Variants in LUZP2 observed in about 807,000 individuals in gnomAD.
LUZP2 encodes the protein leucine zipper protein 2.
In LUZP2, 52 loss-of-function variants were observed where a neutral mutation model predicts 51.6. The ratio of observed to expected loss-of-function variants is 1.01; its 90% CI spans 0.81 to 1.27. The LOEUF (loss-of-function observed/expected upper bound fraction) is 1.27, where lower values mean the gene tolerates loss of function less well. LUZP2 is among the 50% of genes most tolerant of loss of function. The pLI is 0.00. For missense variants in LUZP2, 436 were observed against 395.4 expected (o/e 1.10, Z -0.87); for synonymous variants, 154 against 137.3 (o/e 1.12, Z -0.85).
intron 5 of LUZP2, among the ~76,000 whole-genome samples, chr11:24,884,683 GT>G (rs1852612345): frequency 6.6e-6 from 1 of 151,964 alleles, no homozygotes; most frequent in African/African-American, 2.4e-5. Context: ...ACTAGAACTA[GT>G]ACAAACTTTT....
intron 4 of LUZP2, among the ~76,000 whole-genome samples, chr11:24,749,165 A>G (rs1268238238): frequency 6.6e-6 from 1 of 152,210 alleles, no homozygotes; most frequent in African/African-American, 2.4e-5. Flanking sequence ...ATTTCCAAGT[A>G]ACCAACTTCA....
At chr11:24,714,933 AGAG>A (rs1565094539) in intron 1 of LUZP2, among the ~76,000 whole-genome samples, 1 of 152,154 alleles carries the variant, frequency 6.6e-6, no homozygotes, top group East Asian at 1.9e-4. Context: ...AAGAGCCTAG[AGAG>A]TCTACAGACC....
At chr11:24,561,809 C>T (rs1442030258) in intron 1 of LUZP2, among the ~76,000 whole-genome samples, 2 of 85,232 alleles carry the variant, frequency 2.3e-5, no homozygotes, top group African/African-American at 1.2e-4. Context: ...CACCCCAGAA[C>T]TTAAAGTATA....
intron 7 of LUZP2, among the ~76,000 whole-genome samples, chr11:24,960,190 A>C (rs905688078): frequency 3.3e-5 from 5 of 152,148 alleles, no homozygotes; most frequent in African/African-American, 1.2e-4. Flanking sequence ...ATGTTCATCA[A>C]GGATATTGTT....
chr11:24,814,991 C>CAA (rs61229028), intron 5 of LUZP2, among the ~76,000 whole-genome samples: 3 of 80,074 alleles, frequency 3.7e-5, no homozygotes, highest in African/African-American at 5.6e-5. Context: ...GACTCCGTCT[C>CAA]AAAAAAAAAA....
At chr11:24,980,486 T>A (rs1855997164) in intron 8 of LUZP2, among the ~76,000 whole-genome samples, 1 of 151,732 alleles carries the variant, frequency 6.6e-6, no homozygotes, top group Non-Finnish European at 1.5e-5. Context: ...TTTTCTCTTG[T>A]AACAAAACAC....
chr11:24,728,967 G>T lies in LUZP2; in HGVS notation c.63-202G>T, dbSNP rs190261620. On this transcript the variant is annotated intron_variant, in intron 1 of 11. Coordinates refer to ENST00000336930, the MANE Select transcript of LUZP2 (RefSeq NM_001009909.4). Reference sequence around the variant, plus strand: ...GTCATAGATATCTGGAGTATAGCTAGCCCTCACTGGGAAATGAAACTTTTG... The same window carrying T: ...GTCATAGATATCTGGAGTATAGCTATCCCTCACTGGGAAATGAAACTTTTG... 5.3e-5 allele frequency among the ~76,000 whole-genome samples: 8 copies of T among 152,100 alleles called. No homozygotes were observed. The East Asian group carries it at 1.4e-3, about 26-fold the overall frequency.
At chr11:24,924,235 G>C (rs1439316150) in intron 7 of LUZP2, among the ~76,000 whole-genome samples, 2 of 151,824 alleles carry the variant, frequency 1.3e-5, no homozygotes, top group African/African-American at 2.4e-5. Context: ...GTGCCACCAC[G>C]CCCAGCTAAT....
chr11:24,587,587 G>A (rs1310534605), intron 1 of LUZP2, among the ~76,000 whole-genome samples: 1 of 152,080 alleles, frequency 6.6e-6, no homozygotes, highest in Non-Finnish European at 1.5e-5. Flanking sequence ...GAAGCTAGCT[G>A]TGAAATACAA....
At chr11:24,555,755 G>A (rs765670690) in intron 1 of LUZP2, among the ~76,000 whole-genome samples, 1 of 152,106 alleles carries the variant, frequency 6.6e-6, no homozygotes, top group Admixed American at 6.6e-5. Context: ...TGGGAGGATC[G>A]CTTGAGTACA....
intron 3 of LUZP2, among the ~76,000 whole-genome samples, chr11:24,737,163 C>A (rs1337925899): frequency 1.3e-5 from 2 of 151,998 alleles, no homozygotes; most frequent in Non-Finnish European, 2.9e-5. Flanking sequence ...TTAAGGAATT[C>A]TTTCATAGGC....
chr11:24,809,803 A>G (rs1849965364), intron 5 of LUZP2, among the ~76,000 whole-genome samples: 1 of 152,048 alleles, frequency 6.6e-6, no homozygotes, highest in Non-Finnish European at 1.5e-5. Context: ...AAGTGGTTAG[A>G]TTTGCTTAGG....
chr11:24,962,588 G>A (rs1380540017), intron 7 of LUZP2, among the ~76,000 whole-genome samples: 8 of 152,096 alleles, frequency 5.3e-5, no homozygotes, highest in Non-Finnish European at 1.0e-4. Flanking sequence ...TCTTCACGTA[G>A]TTCTTGAGCC....
chr11:24,542,751 T>C (rs1260396380), intron 1 of LUZP2, among the ~76,000 whole-genome samples: 1 of 152,006 alleles, frequency 6.6e-6, no homozygotes, highest in Non-Finnish European at 1.5e-5. Flanking sequence ...AAAATAGATG[T>C]TCTTTTATGC....
chr11:24,793,803 C>T (rs1849472279), intron 5 of LUZP2, among the ~76,000 whole-genome samples: 3 of 152,156 alleles, frequency 2.0e-5, no homozygotes, highest in Non-Finnish European at 1.5e-5. Context: ...TCTTAGGCAA[C>T]AGCAGCTGCT....
intron 7 of LUZP2, among the ~76,000 whole-genome samples, chr11:24,919,969 C>G (rs925249422): frequency 2.6e-5 from 4 of 151,610 alleles, no homozygotes; most frequent in African/African-American, 4.8e-5. Flanking sequence ...TGAATAAGTC[C>G]TACACAACCA....
At chr11:24,757,892 T>C (rs1241018272) in intron 4 of LUZP2, among the ~76,000 whole-genome samples, 1 of 152,124 alleles carries the variant, frequency 6.6e-6, no homozygotes, top group African/African-American at 2.4e-5. Context: ...AATACTTGAA[T>C]AGACCAATGC....
rs1043588561 is a variant in LUZP2 at position 24,638,878 on chromosome 11, CAATT to C, written c.63-90286_63-90283del. On this transcript the variant is annotated intron_variant, in intron 1 of 11. Coordinates refer to ENST00000336930, the MANE Select transcript of LUZP2 (RefSeq NM_001009909.4). Reference sequence around the variant, plus strand: ...CAAATAAATATTAACAAAGAAAAGACAATTAATTCTAATACATTTATGAAAGATA... The same window carrying C: ...CAAATAAATATTAACAAAGAAAAGACAATTCTAATACATTTATGAAAGATA... Among the ~76,000 whole-genome samples the C allele has an allele frequency of 3.3e-5, 5 of 151,174 alleles. No individual in the cohort carries two copies. In the South Asian group the frequency reaches 8.3e-4, roughly 25 times the overall value.
At chr11:25,058,323 T>A (rs1168774663) in intron 10 of LUZP2, among the ~76,000 whole-genome samples, 2 of 152,214 alleles carry the variant, frequency 1.3e-5, no homozygotes, top group Non-Finnish European at 2.9e-5. Flanking sequence ...TTTGATTTAT[T>A]TCCATAAATA....
Sources: allele counts gnomAD v4.1 joint callset (sites outside exome capture counted in the v4.1 genomes callset), GRCh38; gene constraint gnomAD v4.1.1; transcripts MANE v1.5; gene names NCBI Gene and HGNC (gene_info 2026-07-23, HGNC 2026-07-21).